ABCA13: variants seen among roughly 807,000 people sequenced by gnomAD.
The protein encoded by ABCA13 is ATP binding cassette subfamily A member 13.
A neutral mutation model predicts 478.7 loss-of-function variants in ABCA13; 476 were observed. The ratio of observed to expected loss-of-function variants is 0.99; its 90% confidence interval spans 0.92 to 1.07. The LOEUF is 1.07. ABCA13 is among the 50% of genes least tolerant of loss of function. ABCA13 has a pLI of 0.00. For synonymous variants in ABCA13, 2,252 were observed against 2,158.9 expected (o/e 1.04, Z -1.20); for missense variants, 6,060 against 5,910.6 (o/e 1.03, Z -0.83).
In ABCA13 at chr7:48,273,741, GA is replaced by G; in HGVS notation, c.4077del (p.Asp1360MetfsTer6). On this transcript the variant is annotated frameshift_variant, in exon 17 of 62. Transcript: ENST00000435803. LOFTEE classifies it high-confidence loss of function. ...CCAAAATGTTACTGAGTGTATTTTAGAAGATGGCTTTTTATATGTAAATACC... is the reference window on the plus strand; with the variant it reads ...CCAAAATGTTACTGAGTGTATTTTAGAGATGGCTTTTTATATGTAAATACC... Reference protein sequence around the residue: ...IFQNVTECILEDGFLYVNTSQ... With the variant: ...IFQNVTECILXDGFLYVNTSQ... 6.2e-7 allele frequency: 1 copy of G among 1,610,176 alleles called. No individual in the cohort carries two copies. Among genetic ancestry groups the G allele is most frequent in the Non-Finnish European group, 8.5e-7 (1 of 1,177,996 alleles).
At chr7:48,610,988 C>T (rs1464624892) in intron 58 of ABCA13, among the ~76,000 whole-genome samples, 1 of 152,192 alleles carries the variant, frequency 6.6e-6, no homozygotes, top group African/African-American at 2.4e-5. Context: ...TCCCCATTGT[C>T]TTGGCTATTA....
At chr7:48,420,731 C>CTTT (rs35346221) in intron 41 of ABCA13, among the ~76,000 whole-genome samples, 5 of 137,568 alleles carry the variant, frequency 3.6e-5, no homozygotes, top group African/African-American at 1.3e-4. Flanking sequence ...AGGGCTTGAT[C>CTTT]TTTTTTTTTT....
At chr7:48,379,479 A>G (rs1020275322) in intron 35 of ABCA13, among the ~76,000 whole-genome samples, 2 of 152,194 alleles carry the variant, frequency 1.3e-5, no homozygotes, top group African/African-American at 4.8e-5. Flanking sequence ...AAAAATTTTA[A>G]TATAAAAGAG....
At chr7:48,351,602 C>T (rs1317713465) in intron 30 of ABCA13, among the ~76,000 whole-genome samples, 2 of 152,152 alleles carry the variant, frequency 1.3e-5, no homozygotes, top group East Asian at 1.9e-4. Context: ...AAGACACCTT[C>T]ATATTGAGTT....
At chr7:48,176,982 T>A (rs1771718801) in intron 1 of ABCA13, among the ~76,000 whole-genome samples, 1 of 152,230 alleles carries the variant, frequency 6.6e-6, no homozygotes, top group African/African-American at 2.4e-5. Context: ...TGTCTGTTAC[T>A]GTTGTTTATT....
rs115955160 is a variant in ABCA13, at chr7:48,327,321, C to T, written c.10000-8101C>T. The stretch of plus-strand genomic sequence containing the variant: ...CCATCAGATTTCGTAAGAACTTACT[C>T]ACTATCACAAGAATAGCATGGGGAA... On this transcript the variant is annotated intron_variant, in intron 27 of 61. Coordinates refer to ENST00000435803, the MANE Select transcript of ABCA13 (RefSeq NM_152701.5). Among the ~76,000 whole-genome samples the T allele has an allele frequency of 6.2e-3, 947 of 152,246 alleles. 8 individuals carry two copies. The highest frequency in any genetic ancestry group is 0.022 in the African/African-American group (908 of 41,534).
intron 55 of ABCA13, among the ~76,000 whole-genome samples, chr7:48,538,102 T>TC (rs1417821791): frequency 3.6e-5 from 1 of 27,634 alleles, no homozygotes; most frequent in Non-Finnish European, 6.7e-5. Context: ...TTTCTTTCCT[T>TC]TTTTTTTTTT....
intron 7 of ABCA13, among the ~76,000 whole-genome samples, chr7:48,230,326 G>A (rs1426493910): frequency 2.0e-5 from 3 of 152,056 alleles, no homozygotes; most frequent in Non-Finnish European, 4.4e-5. Context: ...TTTAAAAATG[G>A]CAAAGCTAGT....
Position 48,580,261 on chromosome 7 carries a change from G to T in ABCA13, c.14392G>T (p.Val4798Leu). The change falls in exon 56 of 62, where the codon GTG becomes TTG. Residue 4798 changes from valine to leucine, a missense_variant. By Grantham distance (32) the Val-to-Leu change is conservative. This residue lies in a region of ABCA13 where 1,627 missense variants were observed against 1,571.0 expected (regional missense o/e 1.04). Coordinates refer to ENST00000435803, the MANE Select transcript of ABCA13 (RefSeq NM_152701.5). ...CCTGTCTTCTGCTGGCACGGCAGGC[G>T]TGCTCATTGGCTACTGTCCCCAGCA... is the stretch of plus-strand genomic sequence containing the variant. ...VDLSSAGTAG[V>L]LIGYCPQQDA... The T allele has an allele frequency of 6.2e-7, 1 of 1,611,048 alleles. No homozygotes were observed. The highest frequency in any genetic ancestry group is 8.5e-7 in the Non-Finnish European group (1 of 1,178,794).
intron 55 of ABCA13, among the ~76,000 whole-genome samples, chr7:48,558,559 A>G (rs1026824972): frequency 1.3e-5 from 2 of 152,042 alleles, no homozygotes; most frequent in Admixed American, 1.3e-4. Context: ...TGGCCTCCCA[A>G]AGTGCTGGGA....
In ABCA13 at chr7:48,278,994, A is replaced by C. The variant is rs757271001; in HGVS notation, c.7800A>C (p.Glu2600Asp). 1 of 1,613,450 alleles carries C rather than the reference A, an allele frequency of 6.2e-7. No homozygotes were observed. The highest frequency in any genetic ancestry group is 1.1e-5 in the South Asian group (1 of 91,066). The change falls in exon 18 of 62, where the codon GAA (glutamate) becomes GAC (aspartate). Residue 2600 changes from glutamate (E) to aspartate (D), a missense_variant. By Grantham distance (45) the Glu-to-Asp change is conservative. Transcript: ENST00000435803. ...TGCCATTTCTTGACTTGGCCTTTGA[A>C]ATGATTGGGGTAGAACCTTATATAT... ...LLVPFLDLAF[E>D]MIGVEPYISS...
chr7:48,454,813 G>A (rs1293591732), intron 42 of ABCA13, among the ~76,000 whole-genome samples: 2 of 152,202 alleles, frequency 1.3e-5, no homozygotes, highest in Non-Finnish European at 1.5e-5. Context: ...CCTGCCACGC[G>A]TTGCCACGAG....
chr7:48,511,511 C>T (rs1010638650), intron 51 of ABCA13, among the ~76,000 whole-genome samples: 3 of 152,244 alleles, frequency 2.0e-5, no homozygotes, highest in East Asian at 3.9e-4. Context: ...ATCAGGGGCT[C>T]AAATACATAA....
intron 1 of ABCA13, among the ~76,000 whole-genome samples, chr7:48,180,630 T>C (rs573170538): frequency 6.6e-6 from 1 of 152,244 alleles, no homozygotes; most frequent in East Asian, 1.9e-4. Context: ...TTTCACCCTG[T>C]TGGCCAGGCT....
chr7:48,529,295 A>T (rs948591966), intron 55 of ABCA13, among the ~76,000 whole-genome samples: 1 of 152,230 alleles, frequency 6.6e-6, no homozygotes, highest in Non-Finnish European at 1.5e-5. Context: ...CTTTAATTTC[A>T]TAGCCAGTTT....
At chr7:48,431,711 C>A (rs1822173500) in intron 42 of ABCA13, among the ~76,000 whole-genome samples, 1 of 152,140 alleles carries the variant, frequency 6.6e-6, no homozygotes, top group South Asian at 2.1e-4. Flanking sequence ...AATTTTATAT[C>A]TTCCAGATGT....
Position 48,271,917 on chromosome 7 carries a change from T to A in ABCA13, c.2251T>A (p.Ser751Thr). The A allele has an allele frequency of 6.2e-7, 1 of 1,613,620 alleles. No homozygotes were observed. The highest frequency in any genetic ancestry group is 8.5e-7 in the Non-Finnish European group (1 of 1,179,698). Residue 751 changes from serine (S) to threonine (T), a missense_variant, in exon 17 of 62, where the codon TCC (serine) becomes ACC (threonine). Around this residue, in one of 3 missense-constraint regions of ABCA13, gnomAD observed 4,423 missense variants for 4,309.1 expected, o/e 1.03. Coordinates refer to ENST00000435803, the MANE Select transcript of ABCA13 (RefSeq NM_152701.5). ...ATTATTGTTGCCTAATCTTTTTGAC[T>A]CCTCCATTGTTCCCAGTTTCCACAG... ...EKLLLPNLFD[S>T]SIVPSFHSLP...
At chr7:48,530,668 G>T (rs568755768) in intron 55 of ABCA13, among the ~76,000 whole-genome samples, 3 of 151,912 alleles carry the variant, frequency 2.0e-5, no homozygotes, top group South Asian at 4.2e-4. Context: ...TTGATTTTTT[G>T]ATTATGGCCA....
rs1795478190 is a variant in ABCA13 at position 48,647,131 on chromosome 7, C to T, written c.*1619C>T. On this transcript the variant is annotated 3_prime_UTR_variant, in exon 62 of 62. Transcript: ENST00000435803. Reference sequence around the variant, plus strand: ...CTTTTTCAACACTAACGTTGAGTACCGGTAGCTTGTGATCAAAGGCATATA... The same window carrying T: ...CTTTTTCAACACTAACGTTGAGTACTGGTAGCTTGTGATCAAAGGCATATA... 1 of 152,134 alleles carries T rather than the reference C, an allele frequency of 6.6e-6. No individual in the cohort carries two copies. Among genetic ancestry groups the T allele is most frequent in the Admixed American group, 6.5e-5 (1 of 15,280 alleles). The allele number at this position is 152,134 out of a possible 1,614,324, so 9.4% of individuals were successfully genotyped here.
Sources: allele counts gnomAD v4.1 joint callset (sites outside exome capture counted in the v4.1 genomes callset), GRCh38; gene constraint gnomAD v4.1.1; regional missense constraint gnomAD v4.1.1; transcripts MANE v1.5; gene names NCBI Gene and HGNC (gene_info 2026-07-23, HGNC 2026-07-21).